The following SNTG1 variants were observed in gnomAD, a reference collection of about 807,000 sequenced individuals.
SNTG1 encodes gamma-1-syntrophin.
SNTG1 carries 39 observed loss-of-function variants against 74.7 expected under a neutral mutation model. The ratio of observed to expected loss-of-function variants is 0.52; its 90% CI spans 0.40 to 0.68. The LOEUF (loss-of-function observed/expected upper bound fraction) is 0.68. Ranked by LOEUF, SNTG1 falls within the 30% of genes least tolerant of loss-of-function variation. SNTG1 has a pLI of 0.00. For missense variants in SNTG1, 685 were observed against 609.5 expected (o/e 1.12, Z -1.30); for synonymous variants, 254 against 217.1 (o/e 1.17, Z -1.49).
At chr8:50,113,823 T>C (rs533222130) in intron 1 of SNTG1, among the ~76,000 whole-genome samples, 1 of 152,266 alleles carries the variant, frequency 6.6e-6, no homozygotes, top group South Asian at 2.1e-4. Context: ...GATTAGTTAA[T>C]GGGTGCAGCA....
intron 13 of SNTG1, among the ~76,000 whole-genome samples, chr8:50,644,834 G>A (rs138716197): frequency 1.1e-3 from 163 of 152,054 alleles, no homozygotes; most frequent in African/African-American, 3.8e-3. Flanking sequence ...GGCCTCCTTG[G>A]CAAATAATTT....
chr8:50,426,463 TA>T (rs1486275453), intron 4 of SNTG1, among the ~76,000 whole-genome samples: 1 of 151,534 alleles, frequency 6.6e-6, no homozygotes. Flanking sequence ...AATAAAATAA[TA>T]ATAATAAATA....
chr8:50,561,416 TA>T (rs1468826539), intron 12 of SNTG1, among the ~76,000 whole-genome samples: 2 of 152,080 alleles, frequency 1.3e-5, no homozygotes, highest in Non-Finnish European at 2.9e-5. Flanking sequence ...ATATGTATTT[TA>T]AAAACCAGAA....
At chr8:50,266,583 T>A (rs927224825) in intron 2 of SNTG1, among the ~76,000 whole-genome samples, 2 of 148,278 alleles carry the variant, frequency 1.3e-5, no homozygotes, top group African/African-American at 5.0e-5. Context: ...ATAAATAAAT[T>A]AATAAAATTA....
intron 1 of SNTG1, among the ~76,000 whole-genome samples, chr8:49,934,057 A>G (rs1047712964): frequency 1.3e-5 from 2 of 152,216 alleles, no homozygotes; most frequent in Admixed American, 6.5e-5. Context: ...AAGTGAATAA[A>G]TAGTACAATC....
chr8:50,757,178 G>A (rs1015333130), intron 18 of SNTG1, among the ~76,000 whole-genome samples: 6 of 151,592 alleles, frequency 4.0e-5, no homozygotes, highest in South Asian at 2.1e-4. Context: ...CATGAGTGTC[G>A]GATGAGTTTT....
rs1004626970 is a variant in SNTG1, at chr8:50,793,233, G to A, written c.*404G>A. On this transcript the variant is annotated 3_prime_UTR_variant, in exon 19 of 19. Transcript: ENST00000642720. ...CTAGTACATGTTGGGCAGAGTCATAGGAAAACAAATGCCCTATCTTGTATT... is the reference window on the plus strand; with the variant it reads ...CTAGTACATGTTGGGCAGAGTCATAAGAAAACAAATGCCCTATCTTGTATT... 1.3e-5 allele frequency: 2 copies of A among 153,184 alleles called. No homozygotes were observed. Among genetic ancestry groups the A allele is most frequent in the Non-Finnish European group, 2.9e-5 (2 of 68,858 alleles). The allele number at this position is 153,184 out of a possible 1,614,324, so 9.5% of individuals were successfully genotyped here. A position where few individuals can be genotyped will look rare whatever the true frequency, so the allele number is the denominator to read the frequency against.
intron 1 of SNTG1, among the ~76,000 whole-genome samples, chr8:50,074,093 T>A (rs1415548174): frequency 6.6e-6 from 1 of 151,964 alleles, no homozygotes; most frequent in Non-Finnish European, 1.5e-5. Flanking sequence ...CTAGATGACT[T>A]CTTCTTCCAA....
At chr8:50,700,493 A>G in intron 15 of SNTG1, among the ~76,000 whole-genome samples, 1 of 152,102 alleles carries the variant, frequency 6.6e-6, no homozygotes, top group African/African-American at 2.4e-5. Context: ...ATCCACTCTT[A>G]GCCATCTAAA....
At chr8:50,404,064 G>C (rs2092839282) in intron 4 of SNTG1, among the ~76,000 whole-genome samples, 1 of 152,052 alleles carries the variant, frequency 6.6e-6, no homozygotes, top group Non-Finnish European at 1.5e-5. Context: ...ACAAAAGATA[G>C]AATAACACTA....
chr8:50,751,818 A>G (rs1341600529), intron 17 of SNTG1, among the ~76,000 whole-genome samples, 183 bp from the exon 18 acceptor site: 1 of 152,076 alleles, frequency 6.6e-6, no homozygotes, highest in African/African-American at 2.4e-5. Flanking sequence ...TCTGAAAATT[A>G]AATGATAATA....
intron 12 of SNTG1, among the ~76,000 whole-genome samples, chr8:50,561,474 T>C (rs1195730153): frequency 6.6e-6 from 1 of 152,198 alleles, no homozygotes; most frequent in African/African-American, 2.4e-5. Context: ...GTTTGTAGCT[T>C]TGTTAATACT....
rs759072959 is a variant in SNTG1, at chr8:50,793,080, C to A, written c.*251C>A. 1.5e-5 allele frequency: 5 copies of A among 332,326 alleles called. No homozygotes were observed. Among genetic ancestry groups the A allele is most frequent in the Non-Finnish European group, 2.7e-5 (5 of 185,080 alleles). The allele number at this position is 332,326 out of a possible 1,614,324, so 20.6% of individuals were successfully genotyped here. A position where few individuals can be genotyped will look rare whatever the true frequency, so the allele number is the denominator to read the frequency against. On this transcript the variant is annotated 3_prime_UTR_variant, in exon 19 of 19. Transcript: ENST00000642720. ...TTTGTACCAGTAAGTGTATTGCTTTCACCAAAAGTGGAGACAAAAGAATAA... is the reference window on the plus strand; with the variant it reads ...TTTGTACCAGTAAGTGTATTGCTTTAACCAAAAGTGGAGACAAAAGAATAA...
chr8:50,148,861 G>A (rs1248647368), intron 1 of SNTG1, among the ~76,000 whole-genome samples: 3 of 152,174 alleles, frequency 2.0e-5, no homozygotes, highest in Admixed American at 6.5e-5. Flanking sequence ...ATAAACATAC[G>A]TGTGCATGTG....
chr8:50,296,369 C>T (rs1043049331), intron 2 of SNTG1, among the ~76,000 whole-genome samples: 15 of 152,134 alleles, frequency 9.9e-5, no homozygotes, highest in Admixed American at 2.0e-4. Context: ...AACCCAAATG[C>T]CCATTAATGA....
At chr8:50,055,014 C>CATAT (rs1252716351) in intron 1 of SNTG1, among the ~76,000 whole-genome samples, 1 of 152,102 alleles carries the variant, frequency 6.6e-6, no homozygotes, top group Non-Finnish European at 1.5e-5. Context: ...TTCTCTCACT[C>CATAT]ATATGGCTGA....
intron 8 of SNTG1, among the ~76,000 whole-genome samples, chr8:50,482,218 G>A (rs994565195): frequency 3.3e-5 from 5 of 152,168 alleles, no homozygotes; most frequent in Non-Finnish European, 4.4e-5. Flanking sequence ...AGATATGAAA[G>A]TAAAAGCTGC....
At chr8:50,505,500 T>C (rs1269517952) in intron 9 of SNTG1, among the ~76,000 whole-genome samples, 2 of 152,170 alleles carry the variant, frequency 1.3e-5, no homozygotes, top group Non-Finnish European at 2.9e-5. Context: ...CACTTCTTAT[T>C]TTCTGTTTTT....
intron 1 of SNTG1, among the ~76,000 whole-genome samples, chr8:50,126,035 T>C (rs1489571192): frequency 6.6e-6 from 1 of 152,114 alleles, no homozygotes; most frequent in Non-Finnish European, 1.5e-5. Flanking sequence ...GCTTTGAACT[T>C]TATGCATGAG....
Sources: gnomAD v4.1 joint callset for allele counts (sites outside exome capture counted in the v4.1 genomes callset) on GRCh38, gnomAD v4.1.1 for gene constraint, MANE v1.5 for transcripts, NCBI Gene and HGNC (gene_info 2026-07-23, HGNC 2026-07-21) for gene names.